EML6: variants seen among roughly 807,000 people sequenced by gnomAD.
EML6 encodes the protein echinoderm microtubule-associated protein-like 6.
Under a neutral mutation model 240.1 loss-of-function variants are expected in EML6, and 154 were observed. The ratio of observed to expected loss-of-function variants is 0.64; its 90% confidence interval spans 0.56 to 0.73. The LOEUF (loss-of-function observed/expected upper bound fraction) is 0.73, where lower values mean the gene tolerates loss of function less well. Among genes scored for constraint, EML6 ranks in the 30% least tolerant of loss-of-function variants. The probability of loss-of-function intolerance (pLI) is 0.00; values close to 1 mark genes in which losing one functional copy is unlikely to be tolerated. For missense variants in EML6, 2,964 were observed against 2,474.6 expected, an observed-to-expected ratio of 1.20 and a Z score of -4.20; for synonymous variants, 1,148 against 899.0, an observed-to-expected ratio of 1.28 and a Z score of -4.95.
chr2:54,787,581 G>A (rs1352592247), intron 2 of EML6, among the ~76,000 whole-genome samples: 1 of 152,190 alleles, frequency 6.6e-6, no homozygotes, highest in Non-Finnish European at 1.5e-5. Context: ...GTACCGCATA[G>A]TAATTGATCG....
chr2:54,767,805 G>C (rs1389954909), intron 2 of EML6, among the ~76,000 whole-genome samples: 1 of 152,022 alleles, frequency 6.6e-6, no homozygotes, highest in Non-Finnish European at 1.5e-5. Flanking sequence ...TTTTTTTGTA[G>C]AGATTAAGTT....
intron 28 of EML6, among the ~76,000 whole-genome samples, chr2:54,934,786 C>A (rs549565261): frequency 1.3e-5 from 2 of 152,130 alleles, no homozygotes; most frequent in Admixed American, 6.5e-5. Context: ...CTCTTTGGCT[C>A]AAGCGGTCTT....
rs111703869 is a variant in EML6, at chr2:54,927,679, T to C, written c.3676-634T>C. ...ACCCGGGGATAAAGGTGGGGTGGCC[T>C]GGGCACACCACTCCAAAAAGCTTTT... is the stretch of plus-strand genomic sequence containing the variant. On this transcript the variant is annotated intron_variant, in intron 26 of 41. Coordinates refer to ENST00000356458, the MANE Select transcript of EML6 (RefSeq NM_001039753.4). Among the ~76,000 whole-genome samples the C allele has an allele frequency of 8.6e-4, 131 of 152,344 alleles. 2 individuals are homozygous for C. The highest frequency in any genetic ancestry group is 3.1e-3 in the African/African-American group (129 of 41,594).
rs570882707 is a variant in EML6, at chr2:54,832,284, C to A, written c.847+2807C>A. 4.6e-5 allele frequency among the ~76,000 whole-genome samples: 7 copies of A among 152,324 alleles called. No individual in the cohort carries two copies. In the East Asian group the frequency reaches 1.4e-3, roughly 29 times the overall value. ...CATGTGGGGAAACTTGCTCTGAATC[C>A]CTCTCTAAGGTGCTCTGTTGCGCTC... On this transcript the variant is annotated intron_variant, in intron 7 of 41. Coordinates refer to ENST00000356458, the MANE Select transcript of EML6 (RefSeq NM_001039753.4).
intron 2 of EML6, among the ~76,000 whole-genome samples, chr2:54,810,130 T>A (rs1340789252): frequency 6.6e-6 from 1 of 152,224 alleles, no homozygotes; most frequent in Non-Finnish European, 1.5e-5. Flanking sequence ...TTTCTTAATG[T>A]ACCCAAATGG....
At chr2:54,910,127 T>A (rs1673562643) in intron 24 of EML6, among the ~76,000 whole-genome samples, 1 of 152,148 alleles carries the variant, frequency 6.6e-6, no homozygotes, top group African/African-American at 2.4e-5. Flanking sequence ...TGAAACAGGG[T>A]TGGCCATGTG....
intron 2 of EML6, among the ~76,000 whole-genome samples, chr2:54,753,190 G>A (rs1207572801): frequency 6.6e-6 from 1 of 152,210 alleles, no homozygotes; most frequent in Non-Finnish European, 1.5e-5. Flanking sequence ...GGTATTGAAT[G>A]TCTTTTTCAG....
chr2:54,899,856 T>A, intron 22 of EML6, 74 bp downstream of exon 22: 1 of 1,370,148 alleles, frequency 7.3e-7, no homozygotes, highest in Non-Finnish European at 9.9e-7. Flanking sequence ...TTCACTCAGT[T>A]AATATTTACT....
intron 2 of EML6, among the ~76,000 whole-genome samples, chr2:54,789,533 A>AAAAAAAAAAAAAAAAG: frequency 6.9e-6 from 1 of 144,056 alleles, no homozygotes; most frequent in South Asian, 2.2e-4. Context: ...AAAAAAAAAA[A>AAAAAAAAAAAAAAAAG]AAAAAAAAAA....
At chr2:54,886,104 A>G (rs1443028145) in intron 17 of EML6, among the ~76,000 whole-genome samples, 3 of 151,490 alleles carry the variant, frequency 2.0e-5, no homozygotes, top group Non-Finnish European at 4.4e-5. Flanking sequence ...CAACTGTGAC[A>G]ATGATCAGCA....
chr2:54,861,335 G>A (rs1670661683), intron 12 of EML6, among the ~76,000 whole-genome samples: 1 of 152,166 alleles, frequency 6.6e-6, no homozygotes. Context: ...GCATTCCTGA[G>A]TGGACTTAAA....
chr2:54,903,272 T>TA (rs1363390432), intron 23 of EML6, 76 bp downstream of exon 23: 6 of 1,523,076 alleles, frequency 3.9e-6, no homozygotes, highest in Non-Finnish European at 5.3e-6. Flanking sequence ...CTATTTCAAA[T>TA]GTTTCTTTGA....
In EML6 at chr2:54,863,256, G is replaced by C. The variant is rs550558970; in HGVS notation, c.1826-527G>C. Among the ~76,000 whole-genome samples, 9 of 152,278 alleles carry C rather than the reference G, an allele frequency of 5.9e-5. 2 individuals carry two copies. The highest frequency in any genetic ancestry group is 2.2e-4 in the African/African-American group (9 of 41,566). ...CCTAGCCTTTCACTTTTTAAAACCT[G>C]CCCATTTTACAAAACAAAGCTTAAA... On this transcript the variant is annotated intron_variant, in intron 12 of 41. Coordinates refer to ENST00000356458, the MANE Select transcript of EML6 (RefSeq NM_001039753.4).
chr2:54,863,673 G>A, intron 12 of EML6, 110 bp from the exon 13 acceptor site: 1 of 673,518 alleles, frequency 1.5e-6, no homozygotes, highest in Non-Finnish European at 2.6e-6. Flanking sequence ...GAAAACTATG[G>A]TATAGTTTTT....
At position 54,807,073 on chromosome 2, in the gene EML6, AT is replaced by A. The variant is rs1670536894; in HGVS notation, c.198-6158del. On this transcript the variant is annotated intron_variant, in intron 2 of 41. Coordinates refer to ENST00000356458, the MANE Select transcript of EML6 (RefSeq NM_001039753.4). ...TAAAGTGTCATACTTTTTATTCCAC[AT>A]GGCCAATCAATTCTGATAGAATGCT... is the stretch of plus-strand genomic sequence containing the variant. Among the ~76,000 whole-genome samples, 3 of 152,196 alleles carry A rather than the reference AT, an allele frequency of 2.0e-5. 1 individual carries two copies. Among genetic ancestry groups the A allele is most frequent in the Non-Finnish European group, 4.4e-5 (3 of 68,028 alleles).
chr2:54,968,671 AAACAT>A lies in EML6; in HGVS notation c.5758_5762del (p.His1920AlafsTer17). The A allele has an allele frequency of 6.5e-7, 1 of 1,548,758 alleles. No individual in the cohort carries two copies. Among genetic ancestry groups the A allele is most frequent in the Non-Finnish European group, 8.7e-7 (1 of 1,144,312 alleles). Reference sequence around the variant, plus strand: ...CTCCATTCACTTTTGCTCACAGGCCAAACATAAGCGATACTTCGGTCACTCGGCTC... The same window carrying A: ...CTCCATTCACTTTTGCTCACAGGCCAAAGCGATACTTCGGTCACTCGGCTC... On this transcript the variant is annotated frameshift_variant, in exon 41 of 42. Transcript: ENST00000356458. LOFTEE classifies it high-confidence loss of function.
intron 2 of EML6, among the ~76,000 whole-genome samples, chr2:54,809,916 C>G (rs1057182245): frequency 3.5e-5 from 5 of 142,760 alleles, no homozygotes; most frequent in Non-Finnish European, 7.6e-5. Context: ...ATACATGTCA[C>G]TGCTGAAAGG....
chr2:54,954,751 A>T (rs1167036441), intron 32 of EML6, among the ~76,000 whole-genome samples: 1 of 152,114 alleles, frequency 6.6e-6, no homozygotes, highest in Non-Finnish European at 1.5e-5. Flanking sequence ...GCTGCAACTG[A>T]ATGTGTGGTC....
chr2:54,905,379 A>ACACAG (rs1558670764), intron 24 of EML6, among the ~76,000 whole-genome samples: 2 of 130,598 alleles, frequency 1.5e-5, no homozygotes, highest in African/African-American at 6.3e-5. Flanking sequence ...CACACACACA[A>ACACAG]AATACCTGAT....
Sources: gnomAD v4.1 joint callset for allele counts (sites outside exome capture counted in the v4.1 genomes callset) on GRCh38, gnomAD v4.1.1 for gene constraint, MANE v1.5 for transcripts, NCBI Gene and HGNC (gene_info 2026-07-23, HGNC 2026-07-21) for gene names.